Variants in OSBPL6 observed in about 807,000 individuals in gnomAD.
The protein encoded by OSBPL6 is oxysterol-binding protein-related protein 6.
A neutral mutation model predicts 125.8 loss-of-function variants in OSBPL6; 49 were observed. That is an observed-to-expected ratio of 0.39 (90% CI 0.31 to 0.49). OSBPL6 has a LOEUF of 0.49. Ranked by LOEUF, OSBPL6 falls within the 20% of genes least tolerant of loss-of-function variation. The pLI, the probability that OSBPL6 is intolerant of heterozygous loss-of-function variation, is 0.88. For synonymous variants in OSBPL6, 394 were observed against 391.8 expected, an observed-to-expected ratio of 1.01 and a Z score of -0.07; for missense variants, 986 against 1,135.4, an observed-to-expected ratio of 0.87 and a Z score of 1.89.
intron 12 of OSBPL6, among the ~76,000 whole-genome samples, chr2:178,355,270 A>C (rs769635775): frequency 4.6e-5 from 7 of 152,202 alleles, no homozygotes; most frequent in Non-Finnish European, 7.3e-5. Context: ...GACACAAAAA[A>C]ACCCTTCAAA....
chr2:178,335,932 A>AGGACTT (rs1373036053), intron 8 of OSBPL6, among the ~76,000 whole-genome samples: 2 of 152,194 alleles, frequency 1.3e-5, no homozygotes, highest in Admixed American at 6.5e-5. Context: ...GGGTACAGAA[A>AGGACTT]CCTTTTGGAA....
chr2:178,237,394 C>T (rs1260693144), intron 1 of OSBPL6, among the ~76,000 whole-genome samples: 1 of 152,024 alleles, frequency 6.6e-6, no homozygotes, highest in Admixed American at 6.6e-5. Flanking sequence ...TTCTTACTGC[C>T]TATGCTTTCA....
At chr2:178,263,709 CA>C (rs1445340164) in intron 1 of OSBPL6, among the ~76,000 whole-genome samples, 1 of 152,048 alleles carries the variant, frequency 6.6e-6, no homozygotes, top group Non-Finnish European at 1.5e-5. Flanking sequence ...TCTGTGACCA[CA>C]AACGTGTGCT....
rs1312247786 is a variant in OSBPL6 at position 178,399,878 on chromosome 2, TACCATATG to T, written c.*4323_*4330del. 3 of 152,236 alleles carry T rather than the reference TACCATATG, an allele frequency of 2.0e-5. No individual in the cohort carries two copies. Among genetic ancestry groups the T allele is most frequent in the Non-Finnish European group, 4.4e-5 (3 of 68,032 alleles). The allele number at this position is 152,236 out of a possible 1,614,324, so 9.4% of individuals were successfully genotyped here. A position where few individuals can be genotyped will look rare whatever the true frequency, so the allele number is the denominator to read the frequency against. The stretch of plus-strand genomic sequence containing the variant: ...TATTAATTTTTCATGGATTACATAT[TACCATATG>T]ACCCCATAAATACATTTTATTAGTT... On this transcript the variant is annotated 3_prime_UTR_variant, in exon 25 of 25. Coordinates refer to ENST00000190611, the MANE Select transcript of OSBPL6 (RefSeq NM_032523.4).
chr2:178,321,888 T>A (rs1283247150), intron 3 of OSBPL6, among the ~76,000 whole-genome samples: 1 of 152,214 alleles, frequency 6.6e-6, no homozygotes, highest in African/African-American at 2.4e-5. Context: ...TTATTTTTCT[T>A]CCATAATATA....
At chr2:178,360,998 C>T (rs568432527) in intron 12 of OSBPL6, among the ~76,000 whole-genome samples, 2 of 152,296 alleles carry the variant, frequency 1.3e-5, no homozygotes, top group East Asian at 1.9e-4. Context: ...CTGTAGTTCA[C>T]GATTGAAGAC....
At chr2:178,362,913 T>C (rs1024633560) in intron 13 of OSBPL6, among the ~76,000 whole-genome samples, 1 of 152,210 alleles carries the variant, frequency 6.6e-6, no homozygotes, top group African/African-American at 2.4e-5. Context: ...AGGGCTTTAT[T>C]TAGAAGAACA....
At chr2:178,227,631 C>T (rs775674764) in intron 1 of OSBPL6, among the ~76,000 whole-genome samples, 9 of 151,940 alleles carry the variant, frequency 5.9e-5, no homozygotes, top group East Asian at 3.8e-4. Flanking sequence ...TGAAGTATAA[C>T]GAAATAACGG....
chr2:178,373,947 C>T lies in OSBPL6; in HGVS notation c.1453C>T (p.Arg485Cys), dbSNP rs1269582552. The change falls in exon 15 of 25, where the codon CGC (arginine) becomes TGC (cysteine). Residue 485 changes from arginine to cysteine, a missense_variant. Arg to Cys is a radical substitution (Grantham distance 180, BLOSUM62 -3). Transcript: ENST00000190611. The part of the protein sequence containing the change: ...PLSQQVANES[R>C]LSMSESVSEF... ...ATCACAGCAAGTAGCCAATGAGAGC[C>T]GCCTCTCCATGTCAGAGTCTGTTTC... 79 of 1,613,954 alleles carry T rather than the reference C, an allele frequency of 4.9e-5. No individual in the cohort carries two copies. Among genetic ancestry groups the T allele is most frequent in the Non-Finnish European group, 5.8e-5 (69 of 1,179,972 alleles).
intron 1 of OSBPL6, among the ~76,000 whole-genome samples, chr2:178,253,840 A>G (rs1356015528): frequency 1.3e-5 from 2 of 152,164 alleles, no homozygotes; most frequent in African/African-American, 2.4e-5. Context: ...ATGTGGCAGT[A>G]TGGAGAGGTG....
At chr2:178,386,759 C>T (rs984705080) in intron 19 of OSBPL6, among the ~76,000 whole-genome samples, 5 of 152,080 alleles carry the variant, frequency 3.3e-5, no homozygotes, top group Non-Finnish European at 5.9e-5. Flanking sequence ...ACCGCACACA[C>T]ACTGTTCCAG....
chr2:178,313,079 G>A (rs113043925), intron 3 of OSBPL6, among the ~76,000 whole-genome samples: 16,159 of 151,278 alleles, frequency 0.11, 1,045 homozygotes, highest in African/African-American at 0.18. Flanking sequence ...TATTTTTAGT[G>A]GAGACAGGGT....
intron 1 of OSBPL6, among the ~76,000 whole-genome samples, chr2:178,203,836 T>C (rs2089384908): frequency 6.6e-6 from 1 of 152,182 alleles, no homozygotes; most frequent in African/African-American, 2.4e-5. Flanking sequence ...CCCTTCTGTG[T>C]ACTGTACCCA....
rs571558595 is a variant in OSBPL6, at chr2:178,358,918, A to G, written c.1154-2764A>G. On this transcript the variant is annotated intron_variant, in intron 12 of 24. Transcript: ENST00000190611. ...TATCCAGGATGTATAAAGAACTCAT[A>G]CAACTCAATAGGAAGAAAACGTATA... 6.6e-5 allele frequency among the ~76,000 whole-genome samples: 10 copies of G among 152,320 alleles called. No homozygotes were observed. The South Asian group carries it at 2.1e-3, about 32-fold the overall frequency.
chr2:178,270,515 G>A (rs1429783933), intron 1 of OSBPL6, among the ~76,000 whole-genome samples: 1 of 152,200 alleles, frequency 6.6e-6, no homozygotes, highest in African/African-American at 2.4e-5. Context: ...GTTAGAGGGT[G>A]GAAGAGTAGG....
intron 13 of OSBPL6, among the ~76,000 whole-genome samples, chr2:178,369,544 C>T (rs964711424): frequency 6.6e-6 from 1 of 152,034 alleles, no homozygotes; most frequent in African/African-American, 2.4e-5. Flanking sequence ...ACTACTTAGC[C>T]CTGAGATCAA....
At chr2:178,389,979 T>A (rs1695262587) in intron 21 of OSBPL6, among the ~76,000 whole-genome samples, 1 of 152,182 alleles carries the variant, frequency 6.6e-6, no homozygotes, top group South Asian at 2.1e-4. Flanking sequence ...ATGTTTTCAC[T>A]ACCTTTTTTC....
intron 1 of OSBPL6, among the ~76,000 whole-genome samples, chr2:178,281,837 G>A (rs1375150665): frequency 1.3e-5 from 2 of 152,114 alleles, no homozygotes; most frequent in East Asian, 3.9e-4. Flanking sequence ...AGGAGAAATA[G>A]CTAATGCATG....
At chr2:178,320,662 C>A (rs1193145690) in intron 3 of OSBPL6, among the ~76,000 whole-genome samples, 1 of 152,126 alleles carries the variant, frequency 6.6e-6, no homozygotes, top group South Asian at 2.1e-4. Context: ...AAATTATGAT[C>A]TTAAAGGAAG....
Sources: allele counts gnomAD v4.1 joint callset (sites outside exome capture counted in the v4.1 genomes callset), GRCh38; gene constraint gnomAD v4.1.1; transcripts MANE v1.5; gene names NCBI Gene and HGNC (gene_info 2026-07-23, HGNC 2026-07-21).